Variants in CREM observed in about 807,000 individuals in gnomAD.
The protein encoded by CREM is cAMP responsive element modulator, also known as cAMP-responsive element modulator.
Under a neutral mutation model 37.3 loss-of-function variants are expected in CREM, and 13 were observed. That is an observed-to-expected ratio of 0.35 (90% confidence interval 0.23 to 0.55). The LOEUF is 0.55. CREM is among the 20% of genes least tolerant of loss of function. The probability of loss-of-function intolerance (pLI) is 0.88; values close to 1 mark genes in which losing one functional copy is unlikely to be tolerated. For synonymous variants in CREM, 124 were observed against 120.2 expected (o/e 1.03, Z -0.21); for missense variants, 296 against 362.3 (o/e 0.82, Z 1.49).
chr10:35,136,201 A>G (rs1236589679), intron 1 of CREM, among the ~76,000 whole-genome samples: 3 of 136,310 alleles, frequency 2.2e-5, no homozygotes, highest in Non-Finnish European at 5.0e-5. Context: ...TTATTCAGCA[A>G]ATAAAACATT....
chr10:35,196,109 A>G, intron 6 of CREM: 1 of 1,614,132 alleles, frequency 6.2e-7, no homozygotes, highest in Non-Finnish European at 8.5e-7. Flanking sequence ...GGTAAGATCG[A>G]GCCTCCTACT....
Position 35,178,878 on chromosome 10 carries a change from T to G in CREM, c.169-11T>G, listed in dbSNP as rs1407394010. 1.3e-6 allele frequency: 2 copies of G among 1,593,452 alleles called. No homozygotes were observed. Among genetic ancestry groups the G allele is most frequent in the African/African-American group, 2.7e-5 (2 of 73,918 alleles). On this transcript the variant is annotated splice_polypyrimidine_tract_variant and intron_variant, in intron 3 of 7. Transcript: ENST00000685392. ...ATTTTATGATACATTTCAGAAAATC[T>G]TGTATTATAGGTAGCAGCAATTGCA... is the stretch of plus-strand genomic sequence containing the variant.
intron 2 of CREM, among the ~76,000 whole-genome samples, chr10:35,146,860 A>T (rs1021327805): frequency 6.6e-6 from 1 of 152,106 alleles, no homozygotes; most frequent in African/African-American, 2.4e-5. Context: ...TAGATGAAGG[A>T]TCTGTAGAAT....
intron 2 of CREM, among the ~76,000 whole-genome samples, chr10:35,146,276 C>G (rs1424017781): frequency 1.3e-5 from 2 of 152,184 alleles, no homozygotes; most frequent in Non-Finnish European, 2.9e-5. Flanking sequence ...CCAAAATACT[C>G]CTGCTAGGGC....
At position 35,211,645 on chromosome 10, in the gene CREM, C is replaced by G; in HGVS notation, c.*247C>G. On this transcript the variant is annotated 3_prime_UTR_variant, in exon 8 of 8. Coordinates refer to ENST00000685392, the MANE Select transcript of CREM (RefSeq NM_183011.2). Reference sequence around the variant, plus strand: ...ATGCTTTGTTTGCCCTTTGCTTCTGCTTTTTTTCAGGGAAGCTGCCAAAGA... The same window carrying G: ...ATGCTTTGTTTGCCCTTTGCTTCTGGTTTTTTTCAGGGAAGCTGCCAAAGA... 2 of 1,606,530 alleles carry G rather than the reference C, an allele frequency of 1.2e-6. No homozygotes were observed. The highest frequency in any genetic ancestry group is 1.7e-6 in the Non-Finnish European group (2 of 1,177,384).
chr10:35,169,561 CT>C (rs1252871735), intron 3 of CREM, among the ~76,000 whole-genome samples: 1 of 152,178 alleles, frequency 6.6e-6, no homozygotes, highest in Non-Finnish European at 1.5e-5. Context: ...ATGACTTCCT[CT>C]TTTCCTAATT....
At chr10:35,186,047 A>G (rs1321005786) in intron 5 of CREM, among the ~76,000 whole-genome samples, 1 of 152,184 alleles carries the variant, frequency 6.6e-6, no homozygotes, top group African/African-American at 2.4e-5. Context: ...TTCAGAGTGT[A>G]TTTTAAACAC....
chr10:35,180,616 AT>A (rs930029726), intron 5 of CREM, among the ~76,000 whole-genome samples: 10 of 152,192 alleles, frequency 6.6e-5, no homozygotes, highest in African/African-American at 2.4e-4. Context: ...GGAAAAGAAA[AT>A]CCCCACCATC....
chr10:35,189,246 A>G (rs578157020), intron 6 of CREM, among the ~76,000 whole-genome samples: 1 of 149,552 alleles, frequency 6.7e-6, no homozygotes, highest in East Asian at 2.0e-4. Flanking sequence ...TATCCATTCT[A>G]GCTCTTATGG....
chr10:35,203,663 T>C, intron 6 of CREM, among the ~76,000 whole-genome samples: 1 of 152,076 alleles, frequency 6.6e-6, no homozygotes, highest in East Asian at 1.9e-4. Context: ...CTGCACTCTA[T>C]CCTGGGTGGC....
chr10:35,156,958 T>G (rs543337272), intron 3 of CREM, among the ~76,000 whole-genome samples: 23 of 152,260 alleles, frequency 1.5e-4, no homozygotes, highest in Admixed American at 4.6e-4. Context: ...AAACTACAGG[T>G]CAATATCCCT....
intron 5 of CREM, among the ~76,000 whole-genome samples, chr10:35,182,906 G>T (rs1259179830): frequency 6.6e-6 from 1 of 152,188 alleles, no homozygotes; most frequent in African/African-American, 2.4e-5. Flanking sequence ...GCGGGAGAGA[G>T]ACAGCCTTAG....
intron 5 of CREM, among the ~76,000 whole-genome samples, chr10:35,187,163 T>A (rs1470638276): frequency 7.6e-5 from 5 of 65,364 alleles, no homozygotes; most frequent in Admixed American, 2.7e-4. Context: ...ATAATATATA[T>A]TATATATTAA....
intron 3 of CREM, among the ~76,000 whole-genome samples, chr10:35,153,830 C>T (rs1360558604): frequency 6.6e-5 from 10 of 152,140 alleles, no homozygotes; most frequent in South Asian, 4.1e-4. Context: ...CAAACTGCCT[C>T]GAGAGAATTA....
At chr10:35,187,147 A>AATATATT (rs2094646916) in intron 5 of CREM, among the ~76,000 whole-genome samples, 2 of 58,044 alleles carry the variant, frequency 3.4e-5, no homozygotes, top group African/African-American at 6.4e-5. Flanking sequence ...TTAATATATA[A>AATATATT]TATATATAAT....
At chr10:35,205,733 C>CA (rs1394205528) in intron 6 of CREM, among the ~76,000 whole-genome samples, 1 of 151,970 alleles carries the variant, frequency 6.6e-6, no homozygotes, top group East Asian at 1.9e-4. Context: ...TTGAGGCAGG[C>CA]AGATCACTTG....
rs934391856 is a variant in CREM at position 35,133,505 on chromosome 10, G to A, written c.-54-4277G>A. On this transcript the variant is annotated intron_variant, in intron 1 of 7. Coordinates refer to ENST00000685392, the MANE Select transcript of CREM (RefSeq NM_183011.2). Reference sequence around the variant, plus strand: ...GCAGAGATAGGGTTTTACCATGTTGGCCAGGCTGGTCTCGAACTCCTGACC... The same window carrying A: ...GCAGAGATAGGGTTTTACCATGTTGACCAGGCTGGTCTCGAACTCCTGACC... Among the ~76,000 whole-genome samples, 13 of 152,122 alleles carry A rather than the reference G, an allele frequency of 8.5e-5. 1 individual carries two copies. The South Asian group carries it at 2.3e-3, about 27-fold the overall frequency.
Position 35,212,661 on chromosome 10 carries a change from G to A in CREM, c.*1263G>A, listed in dbSNP as rs1234533359. On this transcript the variant is annotated 3_prime_UTR_variant, in exon 8 of 8. Transcript: ENST00000685392. Reference sequence around the variant, plus strand: ...AGGGCTGTGCACCCAGAAGAAGATGGCTGTTAGCGTTTCGGCCTTCATAAT... The same window carrying A: ...AGGGCTGTGCACCCAGAAGAAGATGACTGTTAGCGTTTCGGCCTTCATAAT... The A allele has an allele frequency of 6.5e-6, 1 of 152,700 alleles. No individual in the cohort carries two copies. The highest frequency in any genetic ancestry group is 1.5e-5 in the Non-Finnish European group (1 of 68,040). 9.5% of individuals were successfully genotyped at this position (152,700 alleles called of 1,614,324 possible). A position where few individuals can be genotyped will look rare whatever the true frequency, so the allele number is the denominator to read the frequency against.
chr10:35,208,104 A>G (rs2095578679), intron 7 of CREM, among the ~76,000 whole-genome samples: 1 of 152,158 alleles, frequency 6.6e-6, no homozygotes, highest in African/African-American at 2.4e-5. Context: ...ACTTTTCGAC[A>G]TTTTCTACAT....
Sources: gnomAD v4.1 joint callset for allele counts (sites outside exome capture counted in the v4.1 genomes callset) on GRCh38, gnomAD v4.1.1 for gene constraint, MANE v1.5 for transcripts, NCBI Gene and HGNC (gene_info 2026-07-23, HGNC 2026-07-21) for gene names.